Variants in NKD1 observed in about 807,000 individuals in gnomAD.
NKD1 encodes NKD inhibitor of Wnt signaling pathway 1.
In NKD1, 21 loss-of-function variants were observed where a neutral mutation model predicts 56.0. That is an observed-to-expected ratio of 0.38 (90% CI 0.27 to 0.54). The LOEUF is 0.54. NKD1 is among the 20% of genes least tolerant of loss of function. The pLI is 0.82. For missense variants in NKD1, 578 were observed against 642.7 expected (o/e 0.90, Z 1.09); for synonymous variants, 263 against 265.7 (o/e 0.99, Z 0.10).
At chr16:50,592,522 T>C (rs1247041667) in intron 3 of NKD1, among the ~76,000 whole-genome samples, 2 of 152,222 alleles carry the variant, frequency 1.3e-5, no homozygotes, top group African/African-American at 4.8e-5. Flanking sequence ...CCAGGCACCA[T>C]GCCAGCTCTG....
chr16:50,564,719 C>T (rs1332392100), intron 3 of NKD1, among the ~76,000 whole-genome samples: 1 of 152,206 alleles, frequency 6.6e-6, no homozygotes, highest in African/African-American at 2.4e-5. Context: ...CAAGTCCCCA[C>T]CTCTTTTATG....
chr16:50,640,886 G>C lies in NKD1; in HGVS notation c.*7105G>C, dbSNP rs1333356983. ...ATTATGTTGTCTTTGTTTTTGTTTT[G>C]TTTTCTTTCCTTGGAAATCAGTGAA... is the stretch of plus-strand genomic sequence containing the variant. On this transcript the variant is annotated 3_prime_UTR_variant, in exon 10 of 10. Transcript: ENST00000268459. The C allele has an allele frequency of 6.6e-6, 1 of 151,764 alleles. No individual in the cohort carries two copies. Among genetic ancestry groups the C allele is most frequent in the Admixed American group, 6.6e-5 (1 of 15,254 alleles). 9.4% of individuals were successfully genotyped at this position (151,764 alleles called of 1,614,324 possible).
At chr16:50,580,136 C>T (rs887341351) in intron 3 of NKD1, among the ~76,000 whole-genome samples, 5 of 152,260 alleles carry the variant, frequency 3.3e-5, no homozygotes, top group South Asian at 2.1e-4. Flanking sequence ...CTCTCAGTCC[C>T]GTGGACTATG....
intron 3 of NKD1, chr16:50,607,167 A>G (rs1399397178): frequency 2.8e-6 from 1 of 360,934 alleles, no homozygotes; most frequent in Non-Finnish European, 5.5e-6. Flanking sequence ...AAGATTTGAA[A>G]GAAGAAAGAG....
chr16:50,600,622 C>T lies in NKD1; in HGVS notation c.193-7672C>T, dbSNP rs374228428. Reference sequence around the variant, plus strand: ...AGAGACATGGCTCTGGAGGAAGGCGCGACCATGGCATGTGGATGCCTGCGA... The same window carrying T: ...AGAGACATGGCTCTGGAGGAAGGCGTGACCATGGCATGTGGATGCCTGCGA... On this transcript the variant is annotated intron_variant, in intron 3 of 9. Transcript: ENST00000268459. Among the ~76,000 whole-genome samples, 300 of 152,268 alleles carry T rather than the reference C, an allele frequency of 2.0e-3. 1 individual carries two copies. The South Asian group carries it at 0.024, about 12-fold the overall frequency.
chr16:50,592,279 TC>T (rs1208824280), intron 3 of NKD1, among the ~76,000 whole-genome samples: 1 of 152,212 alleles, frequency 6.6e-6, no homozygotes, highest in Non-Finnish European at 1.5e-5. Flanking sequence ...AAGGCCACTG[TC>T]CCCAAGTCAC....
At chr16:50,550,446 A>C (rs1960356576) in intron 3 of NKD1, among the ~76,000 whole-genome samples, 1 of 151,504 alleles carries the variant, frequency 6.6e-6, no homozygotes, top group African/African-American at 2.4e-5. Flanking sequence ...GGGAGAGGCC[A>C]GTGGAGACTT....
At chr16:50,627,561 C>T (rs1962250556) in intron 6 of NKD1, among the ~76,000 whole-genome samples, 1 of 152,188 alleles carries the variant, frequency 6.6e-6, no homozygotes, top group Non-Finnish European at 1.5e-5. Context: ...CGCCACCCCT[C>T]AAATTTGGCT....
intron 3 of NKD1, chr16:50,574,717 C>T (rs1161115265): frequency 5.0e-5 from 49 of 985,440 alleles, no homozygotes; most frequent in Non-Finnish European, 5.4e-5. Flanking sequence ...CTGAGGGAGG[C>T]GCTTGGGTTT....
At chr16:50,565,664 G>A (rs1960743447) in intron 3 of NKD1, among the ~76,000 whole-genome samples, 1 of 152,324 alleles carries the variant, frequency 6.6e-6, no homozygotes, top group African/African-American at 2.4e-5. Flanking sequence ...ACTTCAGCCT[G>A]AGCGACAGAG....
intron 3 of NKD1, chr16:50,562,241 C>T (rs1960650093): frequency 1.1e-6 from 1 of 946,630 alleles, no homozygotes. Flanking sequence ...AAAGCAACTG[C>T]AAAACATTCA....
intron 3 of NKD1, among the ~76,000 whole-genome samples, chr16:50,585,124 T>G (rs918435530): frequency 1.2e-4 from 18 of 152,352 alleles, no homozygotes; most frequent in Middle Eastern, 3.4e-3. Flanking sequence ...TTCATGGGAT[T>G]TCCTTCCAGT....
intron 3 of NKD1, chr16:50,557,141 C>A (rs185492193): frequency 9.2e-5 from 14 of 152,274 alleles, no homozygotes; most frequent in Admixed American, 2.0e-4. Flanking sequence ...GCCTTGATTT[C>A]ATGGAACTTA....
At chr16:50,617,519 G>C (rs1961989387) in intron 4 of NKD1, among the ~76,000 whole-genome samples, 1 of 152,212 alleles carries the variant, frequency 6.6e-6, no homozygotes, top group African/African-American at 2.4e-5. Flanking sequence ...GTCAAGTAAT[G>C]CCTTTAATCT....
chr16:50,592,085 G>A (rs1703023767), intron 3 of NKD1, among the ~76,000 whole-genome samples: 1 of 152,260 alleles, frequency 6.6e-6, no homozygotes, highest in South Asian at 2.1e-4. Flanking sequence ...GCTGAGGACA[G>A]AGCTGGCTAA....
Position 50,621,600 on chromosome 16 carries a change from A to C in NKD1, c.260-2A>C. 1 of 1,612,466 alleles carries C rather than the reference A, an allele frequency of 6.2e-7. No individual in the cohort carries two copies. The highest frequency in any genetic ancestry group is 1.1e-5 in the South Asian group (1 of 90,908). On this transcript the variant is annotated splice_acceptor_variant, in intron 4 of 9. Transcript: ENST00000268459. LOFTEE classifies it high-confidence loss of function. ...ATGCTCCCTCGCCTGCCTCCCCGAC[A>C]GTGGCCCTGCCTCCTGAGAAGACTG...
At position 50,579,183 on chromosome 16, in the gene NKD1, C is replaced by G. The variant is rs571381800; in HGVS notation, c.193-29111C>G. Among the ~76,000 whole-genome samples, 530 of 144,822 alleles carry G rather than the reference C, an allele frequency of 3.7e-3. 1 individual carries two copies. Among genetic ancestry groups the G allele is most frequent in the African/African-American group, 0.013 (491 of 38,972 alleles). On this transcript the variant is annotated intron_variant, in intron 3 of 9. Coordinates refer to ENST00000268459, the MANE Select transcript of NKD1 (RefSeq NM_033119.5). ...AACCAGCCACACATGCACTGTCTTACTCCTGCAGGCTACCCGCTACACACG... is the reference window on the plus strand; with the variant it reads ...AACCAGCCACACATGCACTGTCTTAGTCCTGCAGGCTACCCGCTACACACG...
In NKD1 at chr16:50,623,797, TA is replaced by T. The variant is rs566315695; in HGVS notation, c.367-1687del. On this transcript the variant is annotated intron_variant, in intron 5 of 9. Transcript: ENST00000268459. The surrounding 1 kb of genome is among the most constrained non-coding windows in gnomAD (Gnocchi z 4.1). ...TATGTGAGCGTAGGATGTGCACGTA[TA>T]GGGGTATACCTGTGTAGGTATGCGT... Among the ~76,000 whole-genome samples, 96 of 150,126 alleles carry T rather than the reference TA, an allele frequency of 6.4e-4. No homozygotes were observed. The highest frequency in any genetic ancestry group is 2.2e-3 in the African/African-American group (91 of 40,720).
intron 3 of NKD1, among the ~76,000 whole-genome samples, chr16:50,583,147 T>TA (rs759051908): frequency 6.6e-6 from 1 of 151,848 alleles, no homozygotes; most frequent in Non-Finnish European, 1.5e-5. Flanking sequence ...CACTGAGAGG[T>TA]AGAGTTTACT....
Sources: allele counts gnomAD v4.1 joint callset (sites outside exome capture counted in the v4.1 genomes callset), GRCh38; gene constraint gnomAD v4.1.1; non-coding constraint Gnocchi (gnomAD v3.1); transcripts MANE v1.5; gene names NCBI Gene and HGNC (gene_info 2026-07-23, HGNC 2026-07-21).